CRADD: variants seen among roughly 807,000 people sequenced by gnomAD.
CRADD encodes the protein death domain-containing protein CRADD.
In CRADD, 9 loss-of-function variants were observed where a neutral mutation model predicts 15.5. The observed-to-expected ratio is 0.58, with a 90% CI of 0.35 to 1.01. CRADD has a LOEUF of 1.01. Among genes scored for constraint, CRADD ranks in the 50% least tolerant of loss-of-function variants. The pLI is 0.02. For missense variants in CRADD, 227 were observed against 250.3 expected, an observed-to-expected ratio of 0.91 and a Z score of 0.63; for synonymous variants, 118 against 107.6, an observed-to-expected ratio of 1.10 and a Z score of -0.60.
At chr12:93,826,287 A>G (rs1957822771) in intron 2 of CRADD, among the ~76,000 whole-genome samples, 1 of 152,270 alleles carries the variant, frequency 6.6e-6, no homozygotes, top group Non-Finnish European at 1.5e-5. Context: ...TAAATCCCAC[A>G]GGGAAGAGTA....
At chr12:93,727,558 T>C (rs1956390420) in intron 2 of CRADD, among the ~76,000 whole-genome samples, 1 of 152,210 alleles carries the variant, frequency 6.6e-6, no homozygotes, top group Non-Finnish European at 1.5e-5. Context: ...TAGCACTTTA[T>C]GGGCTTTAAG....
At chr12:93,889,444 A>G (rs1958560967) in intron 2 of CRADD, among the ~76,000 whole-genome samples, 1 of 152,102 alleles carries the variant, frequency 6.6e-6, no homozygotes, top group African/African-American at 2.4e-5. Flanking sequence ...TCATGACAGG[A>G]CTGAAATTCA....
chr12:93,727,321 G>A (rs1956385797), intron 2 of CRADD, among the ~76,000 whole-genome samples: 1 of 152,176 alleles, frequency 6.6e-6, no homozygotes, highest in African/African-American at 2.4e-5. Context: ...AAAGGGCTCT[G>A]TAGTTGCAAG....
At chr12:93,880,673 A>AAAG (rs147633622) in intron 2 of CRADD, among the ~76,000 whole-genome samples, 10,809 of 152,222 alleles carry the variant, frequency 0.071, 498 homozygotes, top group East Asian at 0.18. Flanking sequence ...CCATGCTTCG[A>AAAG]AAGGACTGTC....
intron 1 of CRADD, 142 bp from the exon 2 acceptor site, chr12:93,678,627 C>T (rs1211375710): frequency 2.6e-6 from 2 of 764,358 alleles, no homozygotes; most frequent in African/African-American, 1.8e-5. Flanking sequence ...TTGGCTTAAT[C>T]AGTGAATTAA....
intron 2 of CRADD, among the ~76,000 whole-genome samples, chr12:93,771,080 T>A (rs965419517): frequency 1.3e-5 from 2 of 152,246 alleles, no homozygotes; most frequent in Non-Finnish European, 2.9e-5. Context: ...TTGGTTAACA[T>A]AAAAATTTAT....
At chr12:93,787,316 T>TG (rs1957290708) in intron 2 of CRADD, among the ~76,000 whole-genome samples, 3 of 148,700 alleles carry the variant, frequency 2.0e-5, no homozygotes, top group Admixed American at 2.0e-4. Context: ...TTTTTTTTTT[T>TG]TTTTTTTTTT....
At chr12:93,827,087 G>T (rs1190903434) in intron 2 of CRADD, among the ~76,000 whole-genome samples, 3 of 152,152 alleles carry the variant, frequency 2.0e-5, no homozygotes, top group Non-Finnish European at 4.4e-5. Context: ...TTGACATACA[G>T]TAAACTGCAC....
intron 2 of CRADD, among the ~76,000 whole-genome samples, chr12:93,686,541 G>A (rs192742437): frequency 1.8e-3 from 276 of 152,224 alleles, no homozygotes; most frequent in African/African-American, 5.8e-3. Flanking sequence ...CCAGTGATAG[G>A]AATTAGTTAA....
At chr12:93,803,273 C>T (rs1957494492) in intron 2 of CRADD, among the ~76,000 whole-genome samples, 2 of 152,142 alleles carry the variant, frequency 1.3e-5, no homozygotes, top group African/African-American at 4.8e-5. Flanking sequence ...CCATGAAAAC[C>T]TCCCATATGC....
chr12:93,856,826 A>G (rs1958278811), intron 2 of CRADD, among the ~76,000 whole-genome samples: 1 of 152,210 alleles, frequency 6.6e-6, no homozygotes, highest in Non-Finnish European at 1.5e-5. Flanking sequence ...TTTTTATGAC[A>G]TCCCTATCCC....
intron 2 of CRADD, among the ~76,000 whole-genome samples, chr12:93,695,733 T>C (rs1955688902): frequency 6.6e-6 from 1 of 152,122 alleles, no homozygotes; most frequent in Non-Finnish European, 1.5e-5. Flanking sequence ...TGAAACCCTG[T>C]CTCTACTAAT....
chr12:93,828,979 A>G (rs1055707841), intron 2 of CRADD, among the ~76,000 whole-genome samples: 10 of 152,146 alleles, frequency 6.6e-5, no homozygotes, highest in Admixed American at 2.6e-4. Context: ...GCATTTTAAG[A>G]CCCATACAGC....
At chr12:93,861,902 T>G (rs11107221) in intron 2 of CRADD, among the ~76,000 whole-genome samples, 9,431 of 152,250 alleles carry the variant, frequency 0.062, 339 homozygotes, top group African/African-American at 0.091. Flanking sequence ...ATTGTAATAA[T>G]CCCCAGGTGT....
intron 2 of CRADD, among the ~76,000 whole-genome samples, chr12:93,838,864 T>A (rs1323734337): frequency 6.6e-6 from 1 of 151,956 alleles, no homozygotes; most frequent in Non-Finnish European, 1.5e-5. Flanking sequence ...GCTCAGGTGA[T>A]CTTCCCACCT....
chr12:93,692,142 G>T (rs1443832430), intron 2 of CRADD, among the ~76,000 whole-genome samples: 1 of 151,996 alleles, frequency 6.6e-6, no homozygotes, highest in East Asian at 1.9e-4. Context: ...GCAGAAGAAA[G>T]AATCTGTAAA....
exon 3 of CRADD, chr12:93,894,264 G>T: frequency 1.8e-6 from 1 of 549,628 alleles, no homozygotes; most frequent in Non-Finnish European, 3.3e-6. Flanking sequence ...CTGTGTATGT[G>T]TGTGGGTGGG....
At chr12:93,784,235 C>T (rs1565912729) in intron 2 of CRADD, among the ~76,000 whole-genome samples, 32 of 152,198 alleles carry the variant, frequency 2.1e-4, no homozygotes. Flanking sequence ...TACTCACACT[C>T]AGGGCATGTC....
chr12:93,870,847 AG>A (rs1958413011), intron 2 of CRADD, among the ~76,000 whole-genome samples: 2 of 152,240 alleles, frequency 1.3e-5, no homozygotes, highest in South Asian at 4.1e-4. Context: ...TATCTGCCTC[AG>A]GGGGCTGATT....
Sources: allele counts gnomAD v4.1 joint callset (sites outside exome capture counted in the v4.1 genomes callset), GRCh38; gene constraint gnomAD v4.1.1; transcripts MANE v1.5; gene names NCBI Gene and HGNC (gene_info 2026-07-23, HGNC 2026-07-21).